Variants in COG6 observed in about 807,000 individuals in gnomAD.
The protein encoded by COG6 is component of oligomeric golgi complex 6, also known as conserved oligomeric Golgi complex subunit 6.
A neutral mutation model predicts 88.8 loss-of-function variants in COG6; 74 were observed. The observed-to-expected ratio is 0.83, with a 90% confidence interval of 0.69 to 1.01. The LOEUF (loss-of-function observed/expected upper bound fraction) is 1.01. COG6 is among the 50% of genes least tolerant of loss of function. The pLI is 0.00. For synonymous variants in COG6, 286 were observed against 278.7 expected (o/e 1.03, Z -0.26); for missense variants, 800 against 797.9 (o/e 1.00, Z -0.03).
At chr13:39,721,417 A>G (rs897816014) in intron 15 of COG6, among the ~76,000 whole-genome samples, 1 of 152,122 alleles carries the variant, frequency 6.6e-6, no homozygotes, top group Non-Finnish European at 1.5e-5. Flanking sequence ...CAGCATTTTC[A>G]GTAATTGTTC....
At position 39,751,378 on chromosome 13, in the gene COG6, G is replaced by A. The variant is rs964362960; in HGVS notation, c.*285G>A. 7.2e-6 allele frequency: 10 copies of A among 1,382,586 alleles called. No individual in the cohort carries two copies. The highest frequency in any genetic ancestry group is 9.5e-6 in the Non-Finnish European group (10 of 1,053,978). 85.6% of individuals were successfully genotyped at this position (1,382,586 alleles called of 1,614,324 possible). On this transcript the variant is annotated 3_prime_UTR_variant, in exon 19 of 19. Transcript: ENST00000455146. ...TTTCACTGTATTCAGGAAGCATAAA[G>A]TAGTATGAAAGGTTTGAAGAATTTT... is the stretch of plus-strand genomic sequence containing the variant.
chr13:39,776,220 A>G (rs1195307146), intron 18 of COG6, among the ~76,000 whole-genome samples: 1 of 152,220 alleles, frequency 6.6e-6, no homozygotes, highest in African/African-American at 2.4e-5. Context: ...CTGAGGTGAA[A>G]AAAAAGAGGC....
At chr13:39,716,846 A>C (rs1044484047) in intron 13 of COG6, among the ~76,000 whole-genome samples, 8 of 152,202 alleles carry the variant, frequency 5.3e-5, no homozygotes, top group African/African-American at 1.9e-4. Flanking sequence ...ACATAGACTT[A>C]TAATTATTGC....
At chr13:39,766,645 T>A (rs147720132) in intron 18 of COG6, among the ~76,000 whole-genome samples, 12 of 152,294 alleles carry the variant, frequency 7.9e-5, no homozygotes, top group Non-Finnish European at 1.6e-4. Context: ...TCTTTATTTG[T>A]TAGAACTAAG....
At chr13:39,738,022 A>G (rs1256366566) in intron 18 of COG6, among the ~76,000 whole-genome samples, 3 of 152,142 alleles carry the variant, frequency 2.0e-5, no homozygotes, top group Non-Finnish European at 4.4e-5. Flanking sequence ...CCATGCTGCC[A>G]GTGCCAGGGA....
chr13:39,768,311 G>A (rs372236048), intron 18 of COG6, among the ~76,000 whole-genome samples: 9 of 152,318 alleles, frequency 5.9e-5, no homozygotes, highest in African/African-American at 1.2e-4. Context: ...AGCTGAACCC[G>A]GAACACTGCC....
In COG6 at chr13:39,719,231, T is replaced by G; in HGVS notation, c.1285-5T>G. The G allele has an allele frequency of 6.2e-7, 1 of 1,612,190 alleles. No homozygotes were observed. The highest frequency in any genetic ancestry group is 1.1e-5 in the South Asian group (1 of 91,034). On this transcript the variant is annotated splice_region_variant and splice_polypyrimidine_tract_variant and intron_variant, in intron 13 of 18. Transcript: ENST00000455146. Reference sequence around the variant, plus strand: ...AAGGAGTGGGTAAATCATCTCTTGTTTTAGGTTGAACTCCCACCACCTGAT... The same window carrying G: ...AAGGAGTGGGTAAATCATCTCTTGTGTTAGGTTGAACTCCCACCACCTGAT...
chr13:39,694,443 A>G (rs1055903470), intron 11 of COG6, among the ~76,000 whole-genome samples, 191 bp from the exon 12 acceptor site: 10 of 151,798 alleles, frequency 6.6e-5, no homozygotes, highest in Non-Finnish European at 1.5e-4. Context: ...TTTGTAGAGT[A>G]TATCTCTGTT....
rs1391717778 is a variant in COG6 at position 39,687,578 on chromosome 13, G to A, written c.864G>A (p.Gly288=). 2 of 1,613,632 alleles carry A rather than the reference G, an allele frequency of 1.2e-6. No homozygotes were observed. Among genetic ancestry groups the A allele is most frequent in the Non-Finnish European group, 8.5e-7 (1 of 1,179,936 alleles). Residue 288 remains glycine (G), a synonymous_variant, in exon 9 of 19, where the codon GGG becomes GGA. Coordinates refer to ENST00000455146, the MANE Select transcript of COG6 (RefSeq NM_020751.3). The stretch of plus-strand genomic sequence containing the variant: ...GATTTATTGATGCGCTCACAAGAGG[G>A]GGCCCCGGAGGTACACCTAGACCAA... ...VRGFIDALTR[G]GPGGTPRPIE... is the part of the protein sequence containing the mutation.
intron 18 of COG6, among the ~76,000 whole-genome samples, chr13:39,787,148 C>A (rs1160354987): frequency 1.3e-5 from 2 of 151,970 alleles, no homozygotes; most frequent in Admixed American, 6.6e-5. Flanking sequence ...AATGAGCAGA[C>A]TGGGTCAAGG....
chr13:39,781,222 G>A (rs1881618720), intron 18 of COG6, among the ~76,000 whole-genome samples: 1 of 152,156 alleles, frequency 6.6e-6, no homozygotes, highest in African/African-American at 2.4e-5. Flanking sequence ...GGAGGTGAGA[G>A]CTGCTACCCA....
chr13:39,733,484 C>T (rs556112170), intron 18 of COG6, among the ~76,000 whole-genome samples: 7 of 151,452 alleles, frequency 4.6e-5, no homozygotes, highest in Admixed American at 1.3e-4. Context: ...CCACTGTGCC[C>T]GGCCAAAAAG....
chr13:39,749,578 A>G (rs1000467970), intron 18 of COG6, among the ~76,000 whole-genome samples: 2 of 152,216 alleles, frequency 1.3e-5, no homozygotes, highest in African/African-American at 4.8e-5. Context: ...AAAAAGTGCC[A>G]TGGACATTCC....
At chr13:39,755,890 A>G (rs368246157), downstream of COG6, among the ~76,000 whole-genome samples, 64 of 152,370 alleles carry the variant, frequency 4.2e-4, no homozygotes, top group African/African-American at 1.5e-3. Flanking sequence ...CACATGACAA[A>G]GAATGTAGAT....
downstream of COG6, among the ~76,000 whole-genome samples, chr13:39,757,151 A>T (rs532669752): frequency 6.6e-6 from 1 of 152,368 alleles, no homozygotes; most frequent in Admixed American, 6.5e-5. Context: ...TTCAACCACA[A>T]TGACATTGTA....
intron 18 of COG6, among the ~76,000 whole-genome samples, chr13:39,771,422 C>T (rs1488748403): frequency 2.6e-5 from 4 of 152,176 alleles, no homozygotes; most frequent in Admixed American, 6.5e-5. Flanking sequence ...GTGGCTCACC[C>T]GCTGCCCAGC....
chr13:39,733,603 T>G (rs933186897), intron 18 of COG6, among the ~76,000 whole-genome samples: 2 of 152,092 alleles, frequency 1.3e-5, no homozygotes, highest in African/African-American at 2.4e-5. Context: ...CTGTTTTTTT[T>G]TTTCTTAATC....
At chr13:39,684,395 G>A (rs1224040307) in intron 8 of COG6, among the ~76,000 whole-genome samples, 1 of 150,618 alleles carries the variant, frequency 6.6e-6, no homozygotes, top group Non-Finnish European at 1.5e-5. Context: ...GACTACAGGC[G>A]CCCGCCACCT....
chr13:39,770,091 G>A (rs1189162658), intron 18 of COG6, among the ~76,000 whole-genome samples: 1 of 152,212 alleles, frequency 6.6e-6, no homozygotes, highest in Non-Finnish European at 1.5e-5. Flanking sequence ...AAGAAAATTA[G>A]AAATCAATAT....
Sources: gnomAD v4.1 joint callset for allele counts (sites outside exome capture counted in the v4.1 genomes callset) on GRCh38, gnomAD v4.1.1 for gene constraint, MANE v1.5 for transcripts, NCBI Gene and HGNC (gene_info 2026-07-23, HGNC 2026-07-21) for gene names.